The following NHERF1 variants were observed in gnomAD, a reference collection of about 807,000 sequenced individuals.
NHERF1 encodes Na(+)/H(+) exchange regulatory cofactor NHE-RF1.
the NHERF1 span, among the ~76,000 whole-genome samples, chr17:74,762,363 G>T: frequency 3.9e-5 from 6 of 152,060 alleles, no homozygotes; most frequent in African/African-American, 1.2e-4. The surrounding 1 kb of genome is among the most constrained non-coding windows in gnomAD (Gnocchi z 4.2). Context: ...AGGACAGATG[G>T]ACTGACTGAT....
At chr17:74,766,994 G>T in the NHERF1 span, 2 of 1,612,674 alleles carry the variant, frequency 1.2e-6, no homozygotes, top group South Asian at 2.2e-5. Context: ...CGGGTCCCCT[G>T]TCTCTTTGGA....
chr17:74,767,792 G>A, the NHERF1 span, among the ~76,000 whole-genome samples: 1 of 152,158 alleles, frequency 6.6e-6, no homozygotes, highest in African/African-American at 2.4e-5. Context: ...ATGCCCCCAT[G>A]TGTCCCCACA....
chr17:74,757,379 G>A, the NHERF1 span, among the ~76,000 whole-genome samples: 8 of 152,186 alleles, frequency 5.3e-5, no homozygotes, highest in East Asian at 7.7e-4. Context: ...TTCCCCTGCC[G>A]CCCGCACAGA....
chr17:74,756,354 C>A, the NHERF1 span, among the ~76,000 whole-genome samples: 3 of 141,942 alleles, frequency 2.1e-5, no homozygotes, highest in Non-Finnish European at 4.5e-5. Flanking sequence ...TCTCGGCTCA[C>A]TGCAACCTCC....
the NHERF1 span, chr17:74,763,274 C>G: frequency 7.9e-7 from 1 of 1,273,708 alleles, no homozygotes. Flanking sequence ...GGCTGAGAAC[C>G]AAGGTGGTCA....
At chr17:74,749,149 G>C in the NHERF1 span, 2 of 1,554,328 alleles carry the variant, frequency 1.3e-6, no homozygotes, top group South Asian at 1.2e-5. The surrounding 1 kb of genome is among the most constrained non-coding windows in gnomAD (Gnocchi z 5.6). Flanking sequence ...AGCTGCAGAA[G>C]CTCGGCGTCC....
At chr17:74,756,082 T>C in the NHERF1 span, among the ~76,000 whole-genome samples, 1 of 150,706 alleles carries the variant, frequency 6.6e-6, no homozygotes, top group Non-Finnish European at 1.5e-5. Context: ...GCCTCCCAAG[T>C]AGCTGTGCAC....
the NHERF1 span, among the ~76,000 whole-genome samples, chr17:74,753,080 A>G: frequency 6.6e-6 from 1 of 152,174 alleles, no homozygotes; most frequent in African/African-American, 2.4e-5. Context: ...TAGAAAGCCA[A>G]AAGTCCAGGC....
the NHERF1 span, among the ~76,000 whole-genome samples, chr17:74,761,498 C>T: frequency 6.6e-6 from 1 of 152,212 alleles, no homozygotes; most frequent in Non-Finnish European, 1.5e-5. This position sits in a 1 kb window ranked among gnomAD's most constrained non-coding sequence, Gnocchi z 4.3. Context: ...TGTAAACACA[C>T]TGACCAGCTT....
chr17:74,762,753 T>G, the NHERF1 span, among the ~76,000 whole-genome samples: 2 of 152,150 alleles, frequency 1.3e-5, no homozygotes, highest in Non-Finnish European at 2.9e-5. This position sits in a 1 kb window ranked among gnomAD's most constrained non-coding sequence, Gnocchi z 4.2. Context: ...AGACAGGATT[T>G]CACCATGTTG....
the NHERF1 span, among the ~76,000 whole-genome samples, chr17:74,753,605 C>G: frequency 6.6e-6 from 1 of 152,128 alleles, no homozygotes; most frequent in South Asian, 2.1e-4. Flanking sequence ...TGGGGGCTTC[C>G]TGGCCGGGCG....
the NHERF1 span, among the ~76,000 whole-genome samples, chr17:74,765,912 G>C: frequency 6.6e-6 from 1 of 151,970 alleles, no homozygotes; most frequent in Non-Finnish European, 1.5e-5. Context: ...TCCAATTTTG[G>C]TGTCATCATC....
the NHERF1 span, chr17:74,768,093 C>G: frequency 8.1e-7 from 1 of 1,233,748 alleles, no homozygotes; most frequent in East Asian, 2.3e-5. Flanking sequence ...CCTCCCTCCT[C>G]AGGACCCCCT....
At chr17:74,758,094 T>A in the NHERF1 span, among the ~76,000 whole-genome samples, 1 of 152,248 alleles carries the variant, frequency 6.6e-6, no homozygotes, top group Non-Finnish European at 1.5e-5. This position sits in a 1 kb window ranked among gnomAD's most constrained non-coding sequence, Gnocchi z 4.3. Flanking sequence ...TCCCACAGCC[T>A]TCCCTGAAGG....
the NHERF1 span, among the ~76,000 whole-genome samples, chr17:74,749,935 G>C: frequency 1.3e-5 from 2 of 152,222 alleles, no homozygotes; most frequent in African/African-American, 2.4e-5. The surrounding 1 kb of genome is among the most constrained non-coding windows in gnomAD (Gnocchi z 5.6). Context: ...GGGAGGAGGA[G>C]CCAAGGCATC....
chr17:74,767,983 A>C, the NHERF1 span: 5 of 735,158 alleles, frequency 6.8e-6, no homozygotes, highest in Admixed American at 5.7e-5. Context: ...GAATGTAAAA[A>C]GGAGCCCCAG....
chr17:74,768,393 C>T, the NHERF1 span: 1 of 1,558,170 alleles, frequency 6.4e-7, no homozygotes, highest in South Asian at 1.1e-5. Flanking sequence ...AACGGAGCCA[C>T]CTCACCAAGG....
the NHERF1 span, chr17:74,767,876 G>A: frequency 1.2e-4 from 67 of 551,350 alleles, no homozygotes; most frequent in Non-Finnish European, 2.0e-4. Flanking sequence ...GAGTGGCCCA[G>A]GGAGAGGGAG....
the NHERF1 span, chr17:74,762,965 C>A: frequency 5.6e-6 from 1 of 179,596 alleles, no homozygotes; most frequent in Non-Finnish European, 1.2e-5. This position sits in a 1 kb window ranked among gnomAD's most constrained non-coding sequence, Gnocchi z 4.2. Context: ...AGTCTTAGAA[C>A]CTTAGAGCTA....
Sources: gnomAD v4.1 joint callset for allele counts (sites outside exome capture counted in the v4.1 genomes callset) on GRCh38, gnomAD v4.1.1 for gene constraint, Gnocchi (gnomAD v3.1) non-coding constraint, MANE v1.5 for transcripts, NCBI Gene and HGNC (gene_info 2026-07-23, HGNC 2026-07-21) for gene names.